TNR: variants seen among roughly 807,000 people sequenced by gnomAD.
TNR encodes the protein tenascin R, also known as tenascin-R.
A neutral mutation model predicts 150.4 loss-of-function variants in TNR; 45 were observed. The ratio of observed to expected loss-of-function variants is 0.30; its 90% CI spans 0.24 to 0.38. The LOEUF is 0.38. Ranked by LOEUF, TNR falls within the 10% of genes least tolerant of loss-of-function variation. The pLI, the probability that TNR is intolerant of heterozygous loss-of-function variation, is 1.00. For synonymous variants in TNR, 687 were observed against 678.4 expected, an observed-to-expected ratio of 1.01 and a Z score of -0.20; for missense variants, 1,544 against 1,759.1, an observed-to-expected ratio of 0.88 and a Z score of 2.19.
At chr1:175,581,652 C>T (rs1391115394) in intron 1 of TNR, among the ~76,000 whole-genome samples, 1 of 152,108 alleles carries the variant, frequency 6.6e-6, no homozygotes, top group Non-Finnish European at 1.5e-5. Context: ...TACAATGAAG[C>T]TTTGGAATCT....
chr1:175,736,704 C>T (rs914843673), intron 1 of TNR, among the ~76,000 whole-genome samples: 2 of 151,934 alleles, frequency 1.3e-5, no homozygotes, highest in African/African-American at 4.8e-5. Context: ...GACTAAGATA[C>T]AAGCAGCAGA....
chr1:175,432,949 G>A (rs1655342417), intron 2 of TNR, among the ~76,000 whole-genome samples: 1 of 152,206 alleles, frequency 6.6e-6, no homozygotes, highest in Non-Finnish European at 1.5e-5. Context: ...GACTCAGAAA[G>A]TTGACCAGCT....
chr1:175,504,045 G>A (rs1241411411), intron 2 of TNR, among the ~76,000 whole-genome samples: 1 of 152,218 alleles, frequency 6.6e-6, no homozygotes, highest in Non-Finnish European at 1.5e-5. Flanking sequence ...GTACGAAGAA[G>A]GCTGATGCCC....
At chr1:175,741,131 A>G (rs952473143) in intron 1 of TNR, among the ~76,000 whole-genome samples, 1 of 152,186 alleles carries the variant, frequency 6.6e-6, no homozygotes, top group Non-Finnish European at 1.5e-5. Context: ...GTTCCCTAAA[A>G]GGCTTTGGCT....
intron 2 of TNR, among the ~76,000 whole-genome samples, chr1:175,461,077 T>C (rs576044561): frequency 1.3e-5 from 2 of 152,378 alleles, no homozygotes; most frequent in South Asian, 4.1e-4. Flanking sequence ...TGTTTGCCTC[T>C]GCTTCAGTGA....
chr1:175,719,033 C>T (rs1032670868), intron 1 of TNR, among the ~76,000 whole-genome samples: 1 of 152,224 alleles, frequency 6.6e-6, no homozygotes, highest in Non-Finnish European at 1.5e-5. Context: ...TCCCCAGTGG[C>T]CATCCAGGCC....
At chr1:175,536,322 TCAGAACC>T in intron 1 of TNR, among the ~76,000 whole-genome samples, 1 of 152,176 alleles carries the variant, frequency 6.6e-6, no homozygotes. Flanking sequence ...TTAAAAAGGG[TCAGAACC>T]CTGGCCTTGG....
chr1:175,560,280 T>G (rs1439710834), intron 1 of TNR, among the ~76,000 whole-genome samples: 1 of 152,226 alleles, frequency 6.6e-6, no homozygotes. Flanking sequence ...ATGAACTCAA[T>G]AATCATGCTT....
chr1:175,542,905 T>C (rs533905656), intron 1 of TNR, among the ~76,000 whole-genome samples: 1 of 152,348 alleles, frequency 6.6e-6, no homozygotes, highest in South Asian at 2.1e-4. Context: ...AGCATTGATA[T>C]ATTTCTAGTT....
chr1:175,394,856 T>C (rs532845701), intron 5 of TNR, among the ~76,000 whole-genome samples: 2 of 152,260 alleles, frequency 1.3e-5, no homozygotes, highest in African/African-American at 4.8e-5. Flanking sequence ...TGCCCTGAAT[T>C]GGCATAATAA....
Position 175,587,195 on chromosome 1 carries a change from T to G in TNR, c.-164-58826A>C, listed in dbSNP as rs79033200. Reference sequence around the variant, plus strand: ...AGCTTGGCAGATTACCCCAAAAACTTCAGTTCATAACAGTTGCTGGCTTAG... The same window carrying G: ...AGCTTGGCAGATTACCCCAAAAACTGCAGTTCATAACAGTTGCTGGCTTAG... On this transcript the variant is annotated intron_variant, in intron 1 of 22. Transcript: ENST00000367674. Among the ~76,000 whole-genome samples, 1,401 of 152,282 alleles carry G rather than the reference T, an allele frequency of 9.2e-3. 25 individuals are homozygous for G. Among genetic ancestry groups the G allele is most frequent in the African/African-American group, 0.031 (1,277 of 41,556 alleles).
chr1:175,331,102 TC>T (rs1557868266), intron 20 of TNR, among the ~76,000 whole-genome samples: 100 of 102,382 alleles, frequency 9.8e-4, no homozygotes, highest in African/African-American at 1.9e-3. Flanking sequence ...TCTTTCTTTC[TC>T]TCTCTCTTTC....
At position 175,542,954 on chromosome 1, in the gene TNR, C is replaced by G. The variant is rs1174468483; in HGVS notation, c.-164-14585G>C. Among the ~76,000 whole-genome samples, 3 of 152,266 alleles carry G rather than the reference C, an allele frequency of 2.0e-5. No homozygotes were observed. The East Asian group carries it at 5.8e-4, about 29-fold the overall frequency. On this transcript the variant is annotated intron_variant, in intron 1 of 22. Transcript: ENST00000367674. ...GTAGCTACTGTTTGGAACTGTCAGA[C>G]AGAGCTCAGGGCCAGATTCATGGGC...
intron 1 of TNR, among the ~76,000 whole-genome samples, chr1:175,701,830 C>A (rs1016138953): frequency 5.9e-5 from 9 of 152,216 alleles, no homozygotes; most frequent in South Asian, 2.1e-4. Context: ...TACTGAGTCA[C>A]AATGTGCATT....
chr1:175,355,241 G>A (rs116224115), intron 17 of TNR, among the ~76,000 whole-genome samples: 318 of 152,334 alleles, frequency 2.1e-3, no homozygotes, highest in Non-Finnish European at 3.5e-3. Context: ...AAGAAAGCAA[G>A]CCTTGAGGAG....
chr1:175,662,568 A>G, intron 1 of TNR, among the ~76,000 whole-genome samples: 1 of 152,184 alleles, frequency 6.6e-6, no homozygotes, highest in East Asian at 1.9e-4. Context: ...ATAATGTATG[A>G]TTGATGAATT....
intron 1 of TNR, among the ~76,000 whole-genome samples, chr1:175,584,987 G>A (rs79518790): frequency 2.0e-5 from 3 of 152,164 alleles, no homozygotes; most frequent in Admixed American, 6.5e-5. Flanking sequence ...GTGTCTGCAC[G>A]TCATTGGTTT....
chr1:175,552,786 C>T (rs1044812482), intron 1 of TNR, among the ~76,000 whole-genome samples: 2 of 152,198 alleles, frequency 1.3e-5, no homozygotes, highest in Non-Finnish European at 2.9e-5. Context: ...GAATTACTCC[C>T]GTTCTGACTT....
chr1:175,677,193 T>C (rs757836549), intron 1 of TNR, among the ~76,000 whole-genome samples: 1 of 152,250 alleles, frequency 6.6e-6, no homozygotes, highest in East Asian at 1.9e-4. Flanking sequence ...AACTGCCAGA[T>C]GGCATGCTGT....
Sources: allele counts gnomAD v4.1 joint callset (sites outside exome capture counted in the v4.1 genomes callset), GRCh38; gene constraint gnomAD v4.1.1; transcripts MANE v1.5; gene names NCBI Gene and HGNC (gene_info 2026-07-23, HGNC 2026-07-21).